Variants in TMEM59L observed in about 807,000 individuals in gnomAD.
TMEM59L encodes the protein transmembrane protein 59 like, also known as transmembrane protein 59-like.
In TMEM59L, 31 loss-of-function variants were observed where a neutral mutation model predicts 39.6. The observed-to-expected ratio is 0.78, with a 90% confidence interval of 0.59 to 1.06. The LOEUF is 1.06. Ranked by LOEUF, TMEM59L falls within the 50% of genes least tolerant of loss-of-function variation. TMEM59L has a pLI of 0.00. For synonymous variants in TMEM59L, 219 were observed against 202.9 expected (o/e 1.08, Z -0.68); for missense variants, 441 against 451.3 (o/e 0.98, Z 0.21).
At position 18,613,116 on chromosome 19, in the gene TMEM59L, C is replaced by G. The variant is rs964024303; in HGVS notation, c.158C>G (p.Pro53Arg). ...QLRCRDRDLG[P>R]QPSQAGLEGA... The stretch of plus-strand genomic sequence containing the variant: ...CGGTGCCGCGACCGCGACCTCGGCC[C>G]GCAGCCCTCGCAGGTGAGGCGCGTG... Residue 53 changes from proline to arginine, a missense_variant, in exon 1 of 8, where the codon CCG (proline) becomes CGG (arginine). Transcript: ENST00000262817. 6 of 1,297,306 alleles carry G rather than the reference C, an allele frequency of 4.6e-6. No homozygotes were observed. Among genetic ancestry groups the G allele is most frequent in the Non-Finnish European group, 5.8e-6 (6 of 1,026,604 alleles). The allele number at this position is 1,297,306 out of a possible 1,614,324, so 80.4% of individuals were successfully genotyped here. A position where few individuals can be genotyped will look rare whatever the true frequency, so the allele number is the denominator to read the frequency against.
Position 18,620,679 on chromosome 19 carries a change from T to G in TMEM59L, c.*143T>G, listed in dbSNP as rs996334183. ...TTCCTCTCCTCCCAGTCCCACCCCTTGCCCCACGGAGTCCTGGGGACGCAG... is the reference window on the plus strand; with the variant it reads ...TTCCTCTCCTCCCAGTCCCACCCCTGGCCCCACGGAGTCCTGGGGACGCAG... On this transcript the variant is annotated 3_prime_UTR_variant, in exon 8 of 8. Coordinates refer to ENST00000262817, the MANE Select transcript of TMEM59L (RefSeq NM_012109.3). The G allele has an allele frequency of 7.9e-7, 1 of 1,271,972 alleles. No homozygotes were observed. Among genetic ancestry groups the G allele is most frequent in the Admixed American group, 2.9e-5 (1 of 33,936 alleles). The allele number at this position is 1,271,972 out of a possible 1,614,324, so 78.8% of individuals were successfully genotyped here. A position where few individuals can be genotyped will look rare whatever the true frequency, so the allele number is the denominator to read the frequency against.
At chr19:18,617,651 T>C (rs767002407) in intron 5 of TMEM59L, 3 of 455,254 alleles carry the variant, frequency 6.6e-6, no homozygotes, top group Non-Finnish European at 8.8e-6. Context: ...ATGGTTCATC[T>C]CTTAGGATTC....
At position 18,617,111 on chromosome 19, in the gene TMEM59L, C is replaced by A. The variant is rs1200905930; in HGVS notation, c.664+9C>A. 2 of 1,607,260 alleles carry A rather than the reference C, an allele frequency of 1.2e-6. No individual in the cohort carries two copies. The highest frequency in any genetic ancestry group is 1.7e-6 in the Non-Finnish European group (2 of 1,174,496). On this transcript the variant is annotated intron_variant, in intron 5 of 7. Transcript: ENST00000262817. Reference sequence around the variant, plus strand: ...CCTGGAGGTGCACGTGGGTAAGGTGCAACCTAGACCAGTGTTCCTTCCATG... The same window carrying A: ...CCTGGAGGTGCACGTGGGTAAGGTGAAACCTAGACCAGTGTTCCTTCCATG...
At chr19:18,617,669 C>CG in intron 5 of TMEM59L, 2 of 453,782 alleles carry the variant, frequency 4.4e-6, no homozygotes, top group South Asian at 3.1e-5. Flanking sequence ...TTCTGCAGTT[C>CG]ATCTCCCAGG....
At chr19:18,619,026 C>T (rs1252121692) in intron 7 of TMEM59L, among the ~76,000 whole-genome samples, 1 of 151,996 alleles carries the variant, frequency 6.6e-6, no homozygotes, top group African/African-American at 2.4e-5. Flanking sequence ...GGATCTCACT[C>T]TTTCACCCAG....
rs1221081482 is a variant in TMEM59L, at chr19:18,617,017, G to A, written c.579G>A (p.Glu193=). The A allele has an allele frequency of 3.1e-6, 5 of 1,611,740 alleles. No individual in the cohort carries two copies. Among genetic ancestry groups the A allele is most frequent in the Non-Finnish European group, 4.2e-6 (5 of 1,178,992 alleles). Residue 193 remains glutamate (E), a synonymous_variant, in exon 5 of 8, where the codon GAG becomes GAA. Transcript: ENST00000262817. ...VVVFQTQPIV[E]SLGFQGGRLQ... ...TGGCCCAGACTCAGCCCATAGTGGA[G>A]AGCCTCGGCTTCCAGGGGGGCCGTC...
At chr19:18,614,235 A>G in intron 3 of TMEM59L, 40 bp downstream of exon 3, 1 of 1,535,900 alleles carries the variant, frequency 6.5e-7, no homozygotes, top group Non-Finnish European at 8.8e-7. Flanking sequence ...TTTTCCCAAT[A>G]CCCCCACCCT....
At position 18,620,736 on chromosome 19, in the gene TMEM59L, A is replaced by G. The variant is rs1976487573; in HGVS notation, c.*200A>G. On this transcript the variant is annotated 3_prime_UTR_variant, in exon 8 of 8. Coordinates refer to ENST00000262817, the MANE Select transcript of TMEM59L (RefSeq NM_012109.3). ...AGCTGGGAAGAGGGCGGGATCGGGC[A>G]CTGGTTCCTCCTTGTCCCCGCTTTC... 4.6e-6 allele frequency: 3 copies of G among 658,708 alleles called. No homozygotes were observed. The South Asian group carries it at 9.5e-5, about 21-fold the overall frequency. 40.8% of individuals were successfully genotyped at this position (658,708 alleles called of 1,614,324 possible).
At chr19:18,620,341 ACAGT>A in intron 7 of TMEM59L, 63 bp from the exon 8 acceptor site, 1 of 1,440,290 alleles carries the variant, frequency 6.9e-7, no homozygotes, top group South Asian at 1.3e-5. Context: ...TGGGAAGGAG[ACAGT>A]CAGGGTTGGG....
chr19:18,613,992 GC>G lies in TMEM59L; in HGVS notation c.294del (p.Thr99ProfsTer14). On this transcript the variant is annotated frameshift_variant, in exon 2 of 8. Transcript: ENST00000262817. LOFTEE classifies it high-confidence loss of function. ...RFVARSSKPN[A>X]TQTECEAACV... is the part of the protein sequence containing the mutation. ...TGTGGCCAGAAGCTCCAAGCCCAAT[GC>G]CACCCAAACTGAGTGTGAAGCAGGT... is the stretch of plus-strand genomic sequence containing the variant. 1.2e-6 allele frequency: 2 copies of G among 1,613,414 alleles called. No homozygotes were observed. Among genetic ancestry groups the G allele is most frequent in the Non-Finnish European group, 1.7e-6 (2 of 1,180,014 alleles).
intron 7 of TMEM59L, among the ~76,000 whole-genome samples, chr19:18,618,730 T>C (rs957381867): frequency 2.7e-5 from 4 of 149,026 alleles, no homozygotes; most frequent in Admixed American, 6.7e-5. Context: ...AGTCTTGCTC[T>C]GTCACCTGGG....
intron 4 of TMEM59L, 50 bp downstream of exon 4, chr19:18,616,177 G>A (rs1976425679): frequency 6.2e-7 from 1 of 1,605,620 alleles, no homozygotes; most frequent in Non-Finnish European, 8.5e-7. Context: ...GGTGGGCAGG[G>A]TAAGAAGATG....
chr19:18,620,354 G>A, intron 7 of TMEM59L, 54 bp from the exon 8 acceptor site: 1 of 1,530,112 alleles, frequency 6.5e-7, no homozygotes, highest in South Asian at 1.2e-5. Flanking sequence ...GTCAGGGTTG[G>A]GGGCTCGGCC....
At chr19:18,614,269 T>G in intron 3 of TMEM59L, 74 bp downstream of exon 3, 1 of 1,487,656 alleles carries the variant, frequency 6.7e-7, no homozygotes, top group South Asian at 1.2e-5. Context: ...GAAATCTTCA[T>G]TCACGTGCAG....
chr19:18,616,639 T>C (rs1976431242), intron 4 of TMEM59L, among the ~76,000 whole-genome samples: 2 of 152,144 alleles, frequency 1.3e-5, no homozygotes, highest in Non-Finnish European at 2.9e-5. Context: ...GTGTTTCACC[T>C]GCCTCGGCCT....
At chr19:18,618,561 C>G (rs1976457755) in intron 7 of TMEM59L, 69 bp downstream of exon 7, 1 of 1,493,760 alleles carries the variant, frequency 6.7e-7, no homozygotes, top group Admixed American at 1.9e-5. Flanking sequence ...GTTTGCTGGT[C>G]CTGGATTTGG....
Position 18,620,575 on chromosome 19 carries a change from C to T in TMEM59L, c.*39C>T. Reference sequence around the variant, plus strand: ...CCATCACTGCCAACTGCAGGGGGCCCCTCGGGCCTCACTTGCCCTGAGCCC... The same window carrying T: ...CCATCACTGCCAACTGCAGGGGGCCTCTCGGGCCTCACTTGCCCTGAGCCC... On this transcript the variant is annotated 3_prime_UTR_variant, in exon 8 of 8. Transcript: ENST00000262817. 2 of 1,602,576 alleles carry T rather than the reference C, an allele frequency of 1.2e-6. No homozygotes were observed. Among genetic ancestry groups the T allele is most frequent in the East Asian group, 4.5e-5 (2 of 44,654 alleles).
intron 1 of TMEM59L, 60 bp from the exon 2 acceptor site, chr19:18,613,811 TC>T: frequency 3.0e-6 from 4 of 1,344,938 alleles, no homozygotes; most frequent in South Asian, 1.2e-5. Context: ...AATGCTCCGG[TC>T]CCCCCACCCT....
rs990350661 is a variant in TMEM59L, at chr19:18,612,914, C to T, written c.-45C>T. 3 of 1,268,926 alleles carry T rather than the reference C, an allele frequency of 2.4e-6. No individual in the cohort carries two copies. The highest frequency in any genetic ancestry group is 3.0e-6 in the Non-Finnish European group (3 of 1,009,488). The allele number at this position is 1,268,926 out of a possible 1,614,324, so 78.6% of individuals were successfully genotyped here. A position where few individuals can be genotyped will look rare whatever the true frequency, so the allele number is the denominator to read the frequency against. On this transcript the variant is annotated 5_prime_UTR_variant, in exon 1 of 8. Coordinates refer to ENST00000262817, the MANE Select transcript of TMEM59L (RefSeq NM_012109.3). The surrounding 1 kb of genome is among the most constrained non-coding windows in gnomAD (Gnocchi z 6.2). ...CCGCAGCCGCTGCATCCTCCGTGCC[C>T]GGCCTGAGCTGGAGTCCCCCGCGCC...
Sources: allele counts gnomAD v4.1 joint callset (sites outside exome capture counted in the v4.1 genomes callset), GRCh38; gene constraint gnomAD v4.1.1; non-coding constraint Gnocchi (gnomAD v3.1); transcripts MANE v1.5; gene names NCBI Gene and HGNC (gene_info 2026-07-23, HGNC 2026-07-21).